Variants in TAOK1 observed in about 807,000 individuals in gnomAD.
The protein encoded by TAOK1 is TAO kinase 1.
A neutral mutation model predicts 138.3 loss-of-function variants in TAOK1; 21 were observed. That is an observed-to-expected ratio of 0.15 (90% CI 0.11 to 0.22). TAOK1 has a LOEUF of 0.22. Among genes scored for constraint, TAOK1 ranks in the 10% least tolerant of loss-of-function variants. The probability of loss-of-function intolerance (pLI) is 1.00; values close to 1 mark genes in which losing one functional copy is unlikely to be tolerated. For synonymous variants in TAOK1, 361 were observed against 398.4 expected (o/e 0.91, Z 1.12); for missense variants, 651 against 1,227.7 (o/e 0.53, Z 7.02).
At chr17:29,417,239 T>G (rs1905287113) in intron 1 of TAOK1, among the ~76,000 whole-genome samples, 1 of 152,232 alleles carries the variant, frequency 6.6e-6, no homozygotes, top group African/African-American at 2.4e-5. Flanking sequence ...GGTCTTAAAC[T>G]GCTGATCTCA....
intron 17 of TAOK1, among the ~76,000 whole-genome samples, chr17:29,526,222 T>A (rs566362316): frequency 5.1e-4 from 77 of 151,234 alleles, no homozygotes; most frequent in African/African-American, 1.8e-3. Flanking sequence ...AAGGTGGAGG[T>A]TACGGTGAGC....
chr17:29,510,204 C>T (rs2031696483), intron 14 of TAOK1, among the ~76,000 whole-genome samples: 13 of 151,874 alleles, frequency 8.6e-5, no homozygotes, highest in Admixed American at 8.5e-4. Flanking sequence ...TGGCAAAACC[C>T]CATCTCTTCT....
At chr17:29,537,898 G>A (rs1395751709) in intron 19 of TAOK1, among the ~76,000 whole-genome samples, 1 of 151,908 alleles carries the variant, frequency 6.6e-6, no homozygotes, top group Admixed American at 6.6e-5. Context: ...CAGATCACAA[G>A]GTCAGGAGTT....
chr17:29,435,954 C>A (rs1009472879), intron 1 of TAOK1, among the ~76,000 whole-genome samples: 1 of 152,040 alleles, frequency 6.6e-6, no homozygotes, highest in South Asian at 2.1e-4. Flanking sequence ...CATGGTGAAA[C>A]CCCATCTGTA....
intron 2 of TAOK1, among the ~76,000 whole-genome samples, chr17:29,463,938 A>G (rs570073811): frequency 1.3e-5 from 2 of 152,358 alleles, no homozygotes; most frequent in South Asian, 2.1e-4. Flanking sequence ...AAAATATGCA[A>G]ATGGCCAAGA....
rs930258142 is a variant in TAOK1 at position 29,545,397 on chromosome 17, T to A, written c.*2375T>A. 6.6e-6 allele frequency: 1 copy of A among 152,188 alleles called. No homozygotes were observed. Among genetic ancestry groups the A allele is most frequent in the African/African-American group, 2.4e-5 (1 of 41,448 alleles). The allele number at this position is 152,188 out of a possible 1,614,324, so 9.4% of individuals were successfully genotyped here. ...TGGATGGGTGGAATAGGGAAGCAGA[T>A]CACTTTTGCATACAAAAACTCTTTC... On this transcript the variant is annotated 3_prime_UTR_variant, in exon 20 of 20. Coordinates refer to ENST00000261716, the MANE Select transcript of TAOK1 (RefSeq NM_020791.4).
rs960203427 is a variant in TAOK1 at position 29,551,792 on chromosome 17, C to T, written c.*8770C>T. ...AAAAGCTGTTACCAAGTTGTCAGAA[C>T]ATAAGAGCGAAAACAAGGTCATATG... On this transcript the variant is annotated 3_prime_UTR_variant, in exon 20 of 20. Transcript: ENST00000261716. 16 of 152,570 alleles carry T rather than the reference C, an allele frequency of 1.0e-4. No individual in the cohort carries two copies. The highest frequency in any genetic ancestry group is 9.2e-4 in the Admixed American group (14 of 15,274). 9.5% of individuals were successfully genotyped at this position (152,570 alleles called of 1,614,324 possible).
chr17:29,526,015 C>T (rs897581194), intron 17 of TAOK1, among the ~76,000 whole-genome samples: 1 of 152,008 alleles, frequency 6.6e-6, no homozygotes, highest in Non-Finnish European at 1.5e-5. Context: ...AAATAATGTC[C>T]GGGCGTGGTG....
In TAOK1 at chr17:29,475,678, G is replaced by A; in HGVS notation, c.213G>A (p.Gln71=). The change falls in exon 4 of 20, where the codon CAG becomes CAA. Residue 71 remains glutamine, a synonymous_variant. Transcript: ENST00000261716. ...CTTTTTTCTCCCCACAGAAATGGCA[G>A]GATATTATTAAGGAAGTCAAGTTTC... ...YSGKQSTEKW[Q]DIIKEVKFLQ... 6.2e-7 allele frequency: 1 copy of A among 1,606,726 alleles called. No individual in the cohort carries two copies. Among genetic ancestry groups the A allele is most frequent in the Non-Finnish European group, 8.5e-7 (1 of 1,175,416 alleles).
At chr17:29,522,077 A>G (rs1219426814) in intron 16 of TAOK1, among the ~76,000 whole-genome samples, 1 of 152,232 alleles carries the variant, frequency 6.6e-6, no homozygotes, top group African/African-American at 2.4e-5. Context: ...TAATATGAAT[A>G]AATAGTAAAT....
chr17:29,443,928 A>G (rs913236818), intron 1 of TAOK1, among the ~76,000 whole-genome samples: 1 of 152,092 alleles, frequency 6.6e-6, no homozygotes, highest in Non-Finnish European at 1.5e-5. Flanking sequence ...CAGCCTGCCT[A>G]ACATGGTGAA....
At chr17:29,467,769 C>T (rs1258016471) in intron 3 of TAOK1, among the ~76,000 whole-genome samples, 1 of 151,820 alleles carries the variant, frequency 6.6e-6, no homozygotes, top group African/African-American at 2.4e-5. Flanking sequence ...ATTGGTATCT[C>T]CAAATCCCCC....
chr17:29,521,155 A>G (rs956143881), intron 16 of TAOK1, among the ~76,000 whole-genome samples: 6 of 152,226 alleles, frequency 3.9e-5, no homozygotes, highest in Non-Finnish European at 4.4e-5. Context: ...ATGTTTTTGT[A>G]AAATAGACTA....
intron 2 of TAOK1, among the ~76,000 whole-genome samples, chr17:29,452,318 A>G (rs2030260528): frequency 6.6e-6 from 1 of 152,206 alleles, no homozygotes; most frequent in Non-Finnish European, 1.5e-5. Context: ...TTCTTAGCAC[A>G]CCTTTTTTAT....
rs78028697 is a variant in TAOK1 at position 29,480,885 on chromosome 17, G to A, written c.563+404G>A. Among the ~76,000 whole-genome samples the A allele has an allele frequency of 1.8e-3, 140 of 76,398 alleles. 1 individual carries two copies. The highest frequency in any genetic ancestry group is 6.6e-3 in the East Asian group (7 of 1,062). The allele number at this position is 76,398 out of a possible 152,430, so 50.1% of individuals were successfully genotyped here. ...ACCCTGTCTCTCAAAAAAAAAAAAA[G>A]ATTAAAATTTTAAAAAAAGAATGTA... On this transcript the variant is annotated intron_variant, in intron 7 of 19. Transcript: ENST00000261716.
intron 11 of TAOK1, 50 bp downstream of exon 11, chr17:29,495,777 T>C (rs757836669): frequency 2.5e-5 from 35 of 1,424,494 alleles, no homozygotes; most frequent in Non-Finnish European, 3.0e-5. Context: ...TTTTGGTTTC[T>C]TTCCTTATGC....
chr17:29,399,937 G>T (rs893621022), intron 1 of TAOK1, among the ~76,000 whole-genome samples: 5 of 151,854 alleles, frequency 3.3e-5, no homozygotes, highest in Admixed American at 6.6e-5. Context: ...TCACTATGTT[G>T]CCCAGGTTGG....
In TAOK1 at chr17:29,549,661, C is replaced by A. The variant is rs1445195526; in HGVS notation, c.*6639C>A. ...TGCAGATTCTGGGTGGTCTATGTGA[C>A]CATTTGTCTCGTATCCAAAAACCCC... On this transcript the variant is annotated 3_prime_UTR_variant, in exon 20 of 20. Coordinates refer to ENST00000261716, the MANE Select transcript of TAOK1 (RefSeq NM_020791.4). The A allele has an allele frequency of 6.6e-6, 1 of 152,118 alleles. No homozygotes were observed. The highest frequency in any genetic ancestry group is 1.5e-5 in the Non-Finnish European group (1 of 68,008). 9.4% of individuals were successfully genotyped at this position (152,118 alleles called of 1,614,324 possible).
At chr17:29,464,081 A>T (rs899915210) in intron 2 of TAOK1, among the ~76,000 whole-genome samples, 1 of 152,124 alleles carries the variant, frequency 6.6e-6, no homozygotes, top group Non-Finnish European at 1.5e-5. Flanking sequence ...ATCTCTAGGG[A>T]CAGAAAGTAA....
Sources: allele counts gnomAD v4.1 joint callset (sites outside exome capture counted in the v4.1 genomes callset), GRCh38; gene constraint gnomAD v4.1.1; transcripts MANE v1.5; gene names NCBI Gene and HGNC (gene_info 2026-07-23, HGNC 2026-07-21).